The following CTNNA2 variants were observed in gnomAD, a reference collection of about 807,000 sequenced individuals.
The protein encoded by CTNNA2 is catenin alpha 2.
CTNNA2 carries 42 observed loss-of-function variants against 101.0 expected under a neutral mutation model. The ratio of observed to expected loss-of-function variants is 0.42; its 90% confidence interval spans 0.32 to 0.54. CTNNA2 has a LOEUF of 0.54. Ranked by LOEUF, CTNNA2 falls within the 20% of genes least tolerant of loss-of-function variation. CTNNA2 has a pLI of 0.14. For synonymous variants in CTNNA2, 450 were observed against 456.4 expected (o/e 0.99, Z 0.18); for missense variants, 871 against 1,223.1 (o/e 0.71, Z 4.29).
intron 4 of CTNNA2, among the ~76,000 whole-genome samples, chr2:79,397,973 G>C (rs1164895217): frequency 6.6e-6 from 1 of 152,106 alleles, no homozygotes; most frequent in East Asian, 1.9e-4. Flanking sequence ...TGAATAAGTG[G>C]ATGAATAAAT....
chr2:79,467,177 C>T (rs1165646417), intron 4 of CTNNA2, among the ~76,000 whole-genome samples: 1 of 152,154 alleles, frequency 6.6e-6, no homozygotes, highest in African/African-American at 2.4e-5. Flanking sequence ...TAGAGAAGTC[C>T]TTAAAAGACC....
In CTNNA2 at chr2:80,155,609, G is replaced by C. The variant is rs143616140; in HGVS notation, c.1057-237602G>C. ...ATTGAAATCAAACTCAATGGAAGTT[G>C]GTTCAGAAAATGGGATATCAGGGAG... On this transcript the variant is annotated intron_variant, in intron 7 of 18. Coordinates refer to ENST00000402739, the MANE Select transcript of CTNNA2 (RefSeq NM_001282597.3). 8.3e-3 allele frequency among the ~76,000 whole-genome samples: 1,264 copies of C among 152,108 alleles called. 8 individuals carry two copies. The highest frequency in any genetic ancestry group is 0.013 in the Non-Finnish European group (882 of 67,998).
chr2:79,414,585 G>T (rs143291892), intron 4 of CTNNA2, among the ~76,000 whole-genome samples: 1 of 152,024 alleles, frequency 6.6e-6, no homozygotes, highest in African/African-American at 2.4e-5. Flanking sequence ...AGATGCTCCC[G>T]TTGAGTAGGA....
chr2:79,903,145 G>C (rs777434855), intron 6 of CTNNA2, among the ~76,000 whole-genome samples: 1 of 152,214 alleles, frequency 6.6e-6, no homozygotes, highest in Admixed American at 6.5e-5. Flanking sequence ...GGTGTTGTTA[G>C]TGTTAGAGGT....
chr2:80,230,252 T>G (rs1709118266), intron 7 of CTNNA2, among the ~76,000 whole-genome samples: 1 of 129,004 alleles, frequency 7.8e-6, no homozygotes, highest in Non-Finnish European at 1.6e-5. Flanking sequence ...CTCTCTTTTT[T>G]TTTCTTTGTT....
intron 7 of CTNNA2, among the ~76,000 whole-genome samples, chr2:79,948,023 G>T (rs1385264174): frequency 6.6e-6 from 1 of 152,176 alleles, no homozygotes; most frequent in Admixed American, 6.5e-5. Flanking sequence ...GTCTGGCTAG[G>T]TCATGTGGTA....
chr2:79,982,503 G>A (rs200717641), intron 7 of CTNNA2, among the ~76,000 whole-genome samples: 2 of 122,166 alleles, frequency 1.6e-5, no homozygotes, highest in South Asian at 2.7e-4. Flanking sequence ...ACACACACAT[G>A]CACGCACACA....
intron 3 of CTNNA2, among the ~76,000 whole-genome samples, chr2:79,785,686 T>C (rs1674785918): frequency 6.6e-6 from 1 of 152,190 alleles, no homozygotes; most frequent in Non-Finnish European, 1.5e-5. Flanking sequence ...GGTGCCTTCC[T>C]TTTTGTATTT....
chr2:79,377,649 T>G (rs1677993128), intron 4 of CTNNA2, among the ~76,000 whole-genome samples: 1 of 152,176 alleles, frequency 6.6e-6, no homozygotes, highest in Admixed American at 6.5e-5. Context: ...TATTTCCCTC[T>G]GGGGAAAAGG....
intron 2 of CTNNA2, among the ~76,000 whole-genome samples, chr2:79,274,725 T>TG (rs1216516855): frequency 1.3e-5 from 2 of 152,104 alleles, no homozygotes; most frequent in African/African-American, 4.8e-5. Flanking sequence ...TCACTTTTAA[T>TG]GACTCCATGG....
chr2:79,886,982 A>T (rs1354445143), intron 6 of CTNNA2, among the ~76,000 whole-genome samples: 8 of 151,496 alleles, frequency 5.3e-5, no homozygotes, highest in African/African-American at 1.7e-4. Flanking sequence ...ACACCCAGCA[A>T]GTTTTGGTAT....
chr2:80,620,856 G>A (rs191665659), intron 18 of CTNNA2, among the ~76,000 whole-genome samples: 54 of 151,938 alleles, frequency 3.6e-4, no homozygotes, highest in South Asian at 1.2e-3. Context: ...TTTAAACTTC[G>A]TGAGTTAAGA....
At chr2:79,612,032 A>G (rs1213524575) in intron 1 of CTNNA2, among the ~76,000 whole-genome samples, 3 of 152,100 alleles carry the variant, frequency 2.0e-5, no homozygotes, top group African/African-American at 7.2e-5. Flanking sequence ...GTTTTCACCT[A>G]CTGTGCACTA....
intron 7 of CTNNA2, among the ~76,000 whole-genome samples, chr2:79,961,320 T>TACTGTCCCTTGCAGCTCCCAGC (rs1689609362): frequency 6.6e-6 from 1 of 152,148 alleles, no homozygotes; most frequent in Non-Finnish European, 1.5e-5. Flanking sequence ...GTAGCCCCAG[T>TACTGTCCCTTGCAGCTCCCAGC]ACTGTCCCTT....
intron 2 of CTNNA2, among the ~76,000 whole-genome samples, chr2:79,228,679 T>C (rs1481578358): frequency 6.6e-6 from 1 of 152,318 alleles, no homozygotes; most frequent in Middle Eastern, 3.4e-3. Flanking sequence ...TTTGCAAATA[T>C]TTTCTCCCAT....
intron 3 of CTNNA2, among the ~76,000 whole-genome samples, chr2:79,344,021 G>T (rs1003358760): frequency 6.6e-6 from 1 of 152,098 alleles, no homozygotes; most frequent in Non-Finnish European, 1.5e-5. Context: ...GACCTCCTTT[G>T]TATGTAGGAC....
At chr2:79,645,466 G>A (rs557316184) in intron 1 of CTNNA2, among the ~76,000 whole-genome samples, 3 of 152,276 alleles carry the variant, frequency 2.0e-5, no homozygotes, top group African/African-American at 7.2e-5. Context: ...ACCCTAAATA[G>A]GGGAGAAATT....
intron 7 of CTNNA2, among the ~76,000 whole-genome samples, chr2:80,112,254 C>A (rs1420043739): frequency 1.3e-5 from 2 of 152,100 alleles, no homozygotes; most frequent in African/African-American, 4.8e-5. Context: ...AAATAAAGAT[C>A]TCTTGATATG....
At chr2:79,240,453 A>G (rs980726917) in intron 2 of CTNNA2, among the ~76,000 whole-genome samples, 3 of 152,024 alleles carry the variant, frequency 2.0e-5, no homozygotes, top group African/African-American at 7.3e-5. Context: ...GCTCCCACTT[A>G]TAAGTGAGAA....
Sources: gnomAD v4.1 joint callset for allele counts (sites outside exome capture counted in the v4.1 genomes callset) on GRCh38, gnomAD v4.1.1 for gene constraint, MANE v1.5 for transcripts, NCBI Gene and HGNC (gene_info 2026-07-23, HGNC 2026-07-21) for gene names.